The following IL1RAPL1 variants were observed in gnomAD, a reference collection of about 807,000 sequenced individuals.
The protein encoded by IL1RAPL1 is interleukin 1 receptor accessory protein like 1.
A neutral mutation model predicts 48.4 loss-of-function variants in IL1RAPL1; 3 were observed. That is an observed-to-expected ratio of 0.06 (90% confidence interval 0.03 to 0.16). The LOEUF is 0.16. Among genes scored for constraint, IL1RAPL1 ranks in the 10% least tolerant of loss-of-function variants. The pLI is 1.00. For missense variants in IL1RAPL1, 349 were observed against 530.6 expected (o/e 0.66, Z 3.36); for synonymous variants, 185 against 187.7 (o/e 0.99, Z 0.12).
intron 2 of IL1RAPL1, among the ~76,000 whole-genome samples, chrX:29,186,307 A>G (rs1377375931): frequency 8.9e-6 from 1 of 112,038 alleles, no homozygotes; most frequent in Non-Finnish European, 1.9e-5. Context: ...ACCAACTTGG[A>G]CAGTTGCTCT....
intron 5 of IL1RAPL1, among the ~76,000 whole-genome samples, chrX:29,415,749 T>G (rs1045768840): frequency 1.8e-5 from 2 of 112,697 alleles, no homozygotes; most frequent in East Asian, 5.6e-4. Context: ...ACAGCTCTTA[T>G]AGTTTTAATT....
At chrX:29,354,307 A>G (rs984809701) in intron 3 of IL1RAPL1, among the ~76,000 whole-genome samples, 1 of 111,186 alleles carries the variant, frequency 9.0e-6, no homozygotes, top group African/African-American at 3.3e-5. Context: ...GACAATGACT[A>G]CTTTTAAAGT....
chrX:29,269,292 A>T (rs1396646221), intron 2 of IL1RAPL1, among the ~76,000 whole-genome samples: 1 of 111,686 alleles, frequency 9.0e-6, no homozygotes, highest in East Asian at 2.8e-4. Flanking sequence ...GCACTTGATG[A>T]TCTTTTAATT....
intron 2 of IL1RAPL1, among the ~76,000 whole-genome samples, chrX:28,954,577 A>G (rs1451555944): frequency 9.0e-6 from 1 of 110,614 alleles, no homozygotes; most frequent in Non-Finnish European, 1.9e-5. Context: ...GCACTTCAGA[A>G]TAAGAGATTT....
chrX:28,625,769 T>TGTGTGTGTGTGTGTG (rs1569140767), intron 1 of IL1RAPL1, among the ~76,000 whole-genome samples: 1 of 110,385 alleles, frequency 9.1e-6, no homozygotes, highest in African/African-American at 3.3e-5. Context: ...TGTGTGTGTG[T>TGTGTGTGTGTGTGTG]TTTACCAAGA....
chrX:29,457,187 CTT>C (rs34148272), intron 5 of IL1RAPL1, among the ~76,000 whole-genome samples: 1,057 of 94,984 alleles, frequency 0.011, 11 homozygotes, highest in African/African-American at 0.036. Flanking sequence ...TACCTCTATT[CTT>C]TTTTTTTTTT....
intron 5 of IL1RAPL1, among the ~76,000 whole-genome samples, chrX:29,545,217 A>G (rs1210106271): frequency 5.5e-5 from 6 of 108,935 alleles, no homozygotes; most frequent in Non-Finnish European, 7.6e-5. Context: ...CTATCTATCT[A>G]TCTATCTATC....
At chrX:29,507,549 C>T (rs1935349700) in intron 5 of IL1RAPL1, among the ~76,000 whole-genome samples, 1 of 97,207 alleles carries the variant, frequency 1.0e-5, no homozygotes, top group Non-Finnish European at 2.0e-5. Context: ...GGACTAAAAT[C>T]GTCTCTACAA....
chrX:29,584,779 C>T (rs190745730), intron 5 of IL1RAPL1, among the ~76,000 whole-genome samples: 1,126 of 111,521 alleles, frequency 0.01, 4 homozygotes, highest in Non-Finnish European at 0.016. Context: ...AGTCTTGGCT[C>T]CTGGACTCAA....
At chrX:28,924,369 A>G (rs983587806) in intron 2 of IL1RAPL1, among the ~76,000 whole-genome samples, 3 of 112,235 alleles carry the variant, frequency 2.7e-5, no homozygotes, top group African/African-American at 6.5e-5. Flanking sequence ...CCCATTAATG[A>G]GTATCCATAA....
intron 2 of IL1RAPL1, among the ~76,000 whole-genome samples, chrX:29,205,773 C>T (rs1175719393): frequency 2.7e-5 from 3 of 109,307 alleles, no homozygotes; most frequent in East Asian, 2.8e-4. Flanking sequence ...CTCACTCTGT[C>T]GCCCAGGCTG....
At chrX:29,015,503 G>T (rs963697432) in intron 2 of IL1RAPL1, among the ~76,000 whole-genome samples, 4 of 110,776 alleles carry the variant, frequency 3.6e-5, no homozygotes, top group African/African-American at 1.3e-4. Flanking sequence ...AGAAGAATAT[G>T]TCACAACAGA....
chrX:29,105,055 A>G (rs756726982), intron 2 of IL1RAPL1, among the ~76,000 whole-genome samples: 16 of 111,811 alleles, frequency 1.4e-4, no homozygotes, highest in Non-Finnish European at 2.3e-4. Context: ...TTCTGCTTCC[A>G]TCATCTTGGC....
Position 29,873,215 on chromosome X carries a change from A to T in IL1RAPL1, c.779-44249A>T, listed in dbSNP as rs180784749. Among the ~76,000 whole-genome samples the T allele has an allele frequency of 5.6e-3, 562 of 99,610 alleles. 4 individuals carry two copies. Among genetic ancestry groups the T allele is most frequent in the African/African-American group, 0.022 (529 of 23,670 alleles). 86.5% of individuals were successfully genotyped at this position (99,610 alleles called of 115,157 possible). A position where few individuals can be genotyped will look rare whatever the true frequency, so the allele number is the denominator to read the frequency against. On this transcript the variant is annotated intron_variant, in intron 6 of 10. Coordinates refer to ENST00000378993, the MANE Select transcript of IL1RAPL1 (RefSeq NM_014271.4). ...GCTGTCTCTCTTTTATGTAGCAAAT[A>T]AAAAAAAAAATGTAACATGTAAATA...
intron 6 of IL1RAPL1, among the ~76,000 whole-genome samples, chrX:29,829,191 C>G (rs1351833231): frequency 9.4e-6 from 1 of 106,018 alleles, no homozygotes; most frequent in Admixed American, 1.0e-4. Context: ...CACACACACA[C>G]ACACACACAC....
chrX:29,821,153 G>C (rs1175309586), intron 6 of IL1RAPL1, among the ~76,000 whole-genome samples: 1 of 111,822 alleles, frequency 8.9e-6, no homozygotes, highest in African/African-American at 3.3e-5. Flanking sequence ...TTGCCCATTA[G>C]TAATTGATCA....
chrX:29,634,257 A>T (rs189239089), intron 5 of IL1RAPL1, among the ~76,000 whole-genome samples: 9 of 111,866 alleles, frequency 8.0e-5, no homozygotes, highest in African/African-American at 2.6e-4. Context: ...AATTTGGTTA[A>T]CAATCCACTT....
chrX:29,149,498 C>A (rs1929418161), intron 2 of IL1RAPL1, among the ~76,000 whole-genome samples: 1 of 111,592 alleles, frequency 9.0e-6, no homozygotes, highest in African/African-American at 3.3e-5. Flanking sequence ...TCATTGTACA[C>A]CAAGGGCCTT....
At chrX:29,198,441 G>A (rs1930487985) in intron 2 of IL1RAPL1, among the ~76,000 whole-genome samples, 1 of 109,926 alleles carries the variant, frequency 9.1e-6, no homozygotes, top group Non-Finnish European at 1.9e-5. Context: ...GATTACAGGT[G>A]TCCGCCACGA....
Sources: gnomAD v4.1 joint callset for allele counts (sites outside exome capture counted in the v4.1 genomes callset) on GRCh38, gnomAD v4.1.1 for gene constraint, MANE v1.5 for transcripts, NCBI Gene and HGNC (gene_info 2026-07-23, HGNC 2026-07-21) for gene names.